Variants in CDH4 observed in about 807,000 individuals in gnomAD.
CDH4 encodes the protein cadherin 4, also known as cadherin-4.
Under a neutral mutation model 86.0 loss-of-function variants are expected in CDH4, and 33 were observed. The observed-to-expected ratio is 0.38, with a 90% CI of 0.29 to 0.51. CDH4 has a LOEUF of 0.51. Among genes scored for constraint, CDH4 ranks in the 20% least tolerant of loss-of-function variants. The pLI, the probability that CDH4 is intolerant of heterozygous loss-of-function variation, is 0.86. For synonymous variants in CDH4, 555 were observed against 549.4 expected, an observed-to-expected ratio of 1.01 and a Z score of -0.14; for missense variants, 1,114 against 1,307.4, an observed-to-expected ratio of 0.85 and a Z score of 2.28.
At chr20:61,407,320 C>A (rs1328517574) in intron 2 of CDH4, among the ~76,000 whole-genome samples, 1 of 152,134 alleles carries the variant, frequency 6.6e-6, no homozygotes, top group Non-Finnish European at 1.5e-5. Context: ...TGCCTGCCAC[C>A]CCGGGTTCTG....
chr20:61,646,562 G>A (rs1167732996), intron 2 of CDH4, among the ~76,000 whole-genome samples: 1 of 152,228 alleles, frequency 6.6e-6, no homozygotes, highest in Non-Finnish European at 1.5e-5. Context: ...TAGAGAGAAC[G>A]GGGTTGCTGT....
chr20:61,909,435 G>T (rs1245345981), intron 8 of CDH4, among the ~76,000 whole-genome samples: 1 of 152,234 alleles, frequency 6.6e-6, no homozygotes. Flanking sequence ...GCATGAGCTT[G>T]CAAGGTTCCT....
intron 7 of CDH4, 130 bp downstream of exon 7, chr20:61,874,030 C>G: frequency 3.2e-6 from 3 of 950,880 alleles, no homozygotes; most frequent in Non-Finnish European, 4.7e-6. Flanking sequence ...GTGGCACTCT[C>G]TTGCCATGGG....
At chr20:61,618,577 A>C (rs1226310358) in intron 2 of CDH4, among the ~76,000 whole-genome samples, 1 of 152,120 alleles carries the variant, frequency 6.6e-6, no homozygotes, top group Non-Finnish European at 1.5e-5. Flanking sequence ...CCCAGGATCC[A>C]GTCCCCCAAA....
intron 2 of CDH4, among the ~76,000 whole-genome samples, chr20:61,466,676 C>T (rs2085473233): frequency 6.6e-6 from 1 of 151,896 alleles, no homozygotes; most frequent in Non-Finnish European, 1.5e-5. Flanking sequence ...AAACTCTGCC[C>T]CTACCTATAC....
At chr20:61,815,562 A>G (rs755863864) in intron 4 of CDH4, among the ~76,000 whole-genome samples, 1 of 151,940 alleles carries the variant, frequency 6.6e-6, no homozygotes, top group Non-Finnish European at 1.5e-5. Context: ...ATGAAATGAA[A>G]CTCCCTGGAT....
chr20:61,402,238 G>T (rs1050913863), intron 2 of CDH4, among the ~76,000 whole-genome samples: 9 of 152,172 alleles, frequency 5.9e-5, no homozygotes, highest in Non-Finnish European at 1.3e-4. Context: ...CAGTATTTGT[G>T]TGTTACCTAT....
intron 2 of CDH4, among the ~76,000 whole-genome samples, chr20:61,333,264 TACACACACACAC>T (rs11467480): frequency 6.6e-6 from 1 of 150,974 alleles, no homozygotes; most frequent in Non-Finnish European, 1.5e-5. Context: ...CACACACATG[TACACACACACAC>T]ACACACACAC....
At chr20:61,738,767 A>G (rs971774464) in intron 2 of CDH4, 1 of 151,824 alleles carries the variant, frequency 6.6e-6, no homozygotes, top group African/African-American at 2.4e-5. Context: ...AGGGTGACAG[A>G]TCCCTGAAGT....
rs536869181 is a variant in CDH4, at chr20:61,850,071, A to G, written c.733-2683A>G. ...GTCACCCTAAAGCCAGCCTGTAAAC[A>G]TTCAAACGCACAACACGCACAAGTG... On this transcript the variant is annotated intron_variant, in intron 5 of 15. Transcript: ENST00000614565. Among the ~76,000 whole-genome samples the G allele has an allele frequency of 4.9e-4, 74 of 152,320 alleles. 1 individual carries two copies. The South Asian group carries it at 0.014, about 30-fold the overall frequency.
At chr20:61,771,788 G>A (rs549520355) in intron 3 of CDH4, among the ~76,000 whole-genome samples, 25 of 152,158 alleles carry the variant, frequency 1.6e-4, no homozygotes, top group Non-Finnish European at 2.9e-4. Flanking sequence ...AGTGTAATGC[G>A]TTTAGAATTC....
chr20:61,614,246 C>A (rs2086708169), intron 2 of CDH4, among the ~76,000 whole-genome samples: 1 of 152,066 alleles, frequency 6.6e-6, no homozygotes. Flanking sequence ...TTTTGCCCCA[C>A]CCTCTGACCC....
intron 2 of CDH4, among the ~76,000 whole-genome samples, chr20:61,584,052 T>G: frequency 6.6e-6 from 1 of 152,106 alleles, no homozygotes; most frequent in East Asian, 1.9e-4. Flanking sequence ...CTCAGCTACT[T>G]AGGAGGCTGA....
chr20:61,257,481 G>A (rs1330603908), intron 2 of CDH4, among the ~76,000 whole-genome samples: 2 of 152,216 alleles, frequency 1.3e-5, no homozygotes, highest in South Asian at 2.1e-4. Flanking sequence ...ATGGAAATGC[G>A]GGACTTCGCT....
At chr20:61,487,453 C>A (rs561179594) in intron 2 of CDH4, among the ~76,000 whole-genome samples, 1 of 152,164 alleles carries the variant, frequency 6.6e-6, no homozygotes, top group East Asian at 1.9e-4. Context: ...CATAATGGAG[C>A]CTCCATTCAT....
rs533478893 is a variant in CDH4, at chr20:61,687,209, G to A, written c.170-56354G>A. On this transcript the variant is annotated intron_variant, in intron 2 of 15. Coordinates refer to ENST00000614565, the MANE Select transcript of CDH4 (RefSeq NM_001794.5). ...AGCTGCAGAGGTGCCCTCCTCTCCC[G>A]CTCCACAGCCTATTGTCCCGTTTTT... 3.9e-5 allele frequency among the ~76,000 whole-genome samples: 6 copies of A among 152,278 alleles called. No individual in the cohort carries two copies. In the East Asian group the frequency reaches 9.7e-4, roughly 25 times the overall value.
intron 2 of CDH4, among the ~76,000 whole-genome samples, chr20:61,451,126 C>CA (rs201825667): frequency 0.048 from 5,220 of 109,294 alleles, 292 homozygotes; most frequent in African/African-American, 0.15. Flanking sequence ...TCTCACGCCC[C>CA]CCCCCTTCCC....
chr20:61,543,391 T>G (rs969162170), intron 2 of CDH4, among the ~76,000 whole-genome samples: 6 of 152,344 alleles, frequency 3.9e-5, no homozygotes, highest in Non-Finnish European at 4.4e-5. Flanking sequence ...TGGTTGAAGT[T>G]CCCGTGACTT....
intron 2 of CDH4, among the ~76,000 whole-genome samples, chr20:61,374,486 C>G (rs1454430937): frequency 6.6e-6 from 1 of 152,186 alleles, no homozygotes; most frequent in Non-Finnish European, 1.5e-5. Flanking sequence ...CTCACTTTCC[C>G]TGTGGCCTCG....
Sources: gnomAD v4.1 joint callset for allele counts (sites outside exome capture counted in the v4.1 genomes callset) on GRCh38, gnomAD v4.1.1 for gene constraint, MANE v1.5 for transcripts, NCBI Gene and HGNC (gene_info 2026-07-23, HGNC 2026-07-21) for gene names.